ADARB2: variants seen among roughly 807,000 people sequenced by gnomAD.
ADARB2 encodes the protein adenosine deaminase RNA specific B2 (inactive).
A neutral mutation model predicts 62.2 loss-of-function variants in ADARB2; 25 were observed. That is an observed-to-expected ratio of 0.40 (90% confidence interval 0.29 to 0.56). The LOEUF is 0.56. ADARB2 is among the 20% of genes least tolerant of loss of function. The pLI is 0.43. For missense variants in ADARB2, 1,071 were observed against 1,077.4 expected (o/e 0.99, Z 0.08); for synonymous variants, 572 against 500.8 (o/e 1.14, Z -1.90).
At chr10:1,256,166 C>T (rs555444147) in intron 4 of ADARB2, among the ~76,000 whole-genome samples, 1 of 152,290 alleles carries the variant, frequency 6.6e-6, no homozygotes, top group Non-Finnish European at 1.5e-5. Flanking sequence ...GATGCCTGCA[C>T]CAGTGTTGGT....
At chr10:1,441,128 A>G (rs1188929557) in intron 1 of ADARB2, among the ~76,000 whole-genome samples, 1 of 152,236 alleles carries the variant, frequency 6.6e-6, no homozygotes, top group African/African-American at 2.4e-5. Flanking sequence ...GTAGACGACT[A>G]GTTTCACTTG....
chr10:1,504,406 T>A lies in ADARB2; in HGVS notation c.101-125246A>T, dbSNP rs1469734232. Among the ~76,000 whole-genome samples the A allele has an allele frequency of 3.3e-5, 5 of 152,372 alleles. No homozygotes were observed. The South Asian group carries it at 6.2e-4, about 19-fold the overall frequency. ...CCTCTTTAATGGGAAATAATGCATCTGGCGCTGGACATTCTGAGTGTGTCT... is the reference window on the plus strand; with the variant it reads ...CCTCTTTAATGGGAAATAATGCATCAGGCGCTGGACATTCTGAGTGTGTCT... On this transcript the variant is annotated intron_variant, in intron 1 of 9. Coordinates refer to ENST00000381312, the MANE Select transcript of ADARB2 (RefSeq NM_018702.4).
intron 1 of ADARB2, among the ~76,000 whole-genome samples, chr10:1,506,918 G>T (rs1170293047): frequency 2.0e-5 from 3 of 152,254 alleles, no homozygotes; most frequent in Admixed American, 6.5e-5. Context: ...GTGTGAGGAC[G>T]CAGTGAGCAG....
At chr10:1,563,764 G>C (rs567327244) in intron 1 of ADARB2, among the ~76,000 whole-genome samples, 2 of 141,436 alleles carry the variant, frequency 1.4e-5, no homozygotes, top group African/African-American at 5.3e-5. Context: ...ATATCTCCCA[G>C]TGCTATCCCT....
At position 1,330,479 on chromosome 10, in the gene ADARB2, C is replaced by T. The variant is rs114762194; in HGVS notation, c.1077+32549G>A. Among the ~76,000 whole-genome samples, 335 of 152,278 alleles carry T rather than the reference C, an allele frequency of 2.2e-3. 1 individual carries two copies. Among genetic ancestry groups the T allele is most frequent in the African/African-American group, 7.8e-3 (326 of 41,554 alleles). On this transcript the variant is annotated intron_variant, in intron 3 of 9. Coordinates refer to ENST00000381312, the MANE Select transcript of ADARB2 (RefSeq NM_018702.4). The stretch of plus-strand genomic sequence containing the variant: ...AGGAATAAAGATGAATTTCCTCAAC[C>T]TGATAAACAGCATCTACAAAACTCC...
intron 1 of ADARB2, among the ~76,000 whole-genome samples, chr10:1,606,222 T>C (rs1285666159): frequency 6.6e-6 from 1 of 152,176 alleles, no homozygotes; most frequent in East Asian, 1.9e-4. Flanking sequence ...GCCTACAGTC[T>C]TCACCCTATG....
chr10:1,328,898 G>A (rs1343768037), intron 3 of ADARB2, among the ~76,000 whole-genome samples: 1 of 151,000 alleles, frequency 6.6e-6, no homozygotes, highest in African/African-American at 2.4e-5. Flanking sequence ...AGGCTGAGGT[G>A]GGAGAATCAC....
At chr10:1,566,375 A>G (rs1260405829) in intron 1 of ADARB2, among the ~76,000 whole-genome samples, 2 of 152,190 alleles carry the variant, frequency 1.3e-5, no homozygotes, top group Non-Finnish European at 2.9e-5. Context: ...GAACGGTACT[A>G]AGAAATTGTT....
At chr10:1,510,169 T>TTTC (rs1554767635) in intron 1 of ADARB2, among the ~76,000 whole-genome samples, 1 of 88,632 alleles carries the variant, frequency 1.1e-5, no homozygotes, top group Non-Finnish European at 2.5e-5. Flanking sequence ...TCTTTCTTTC[T>TTTC]TTTTCTTTCT....
chr10:1,637,949 T>C (rs191980555), intron 1 of ADARB2, among the ~76,000 whole-genome samples: 1 of 152,330 alleles, frequency 6.6e-6, no homozygotes. Context: ...CCAATATTTT[T>C]ATGTGAGAAT....
chr10:1,620,244 G>A (rs993581470), intron 1 of ADARB2, among the ~76,000 whole-genome samples: 5 of 151,992 alleles, frequency 3.3e-5, no homozygotes, highest in African/African-American at 4.8e-5. Context: ...TAGATTGACC[G>A]ACCAGTAATA....
At chr10:1,275,547 T>G (rs1323291356) in intron 3 of ADARB2, among the ~76,000 whole-genome samples, 1 of 152,114 alleles carries the variant, frequency 6.6e-6, no homozygotes, top group African/African-American at 2.4e-5. Context: ...AGGGTACATG[T>G]GCACAATGTG....
At chr10:1,665,286 G>A (rs569822832) in intron 1 of ADARB2, among the ~76,000 whole-genome samples, 111 of 152,298 alleles carry the variant, frequency 7.3e-4, no homozygotes, top group African/African-American at 2.2e-3. Flanking sequence ...AAGCTTCACC[G>A]CCGTTTCCAG....
intron 1 of ADARB2, 88 bp downstream of exon 1, chr10:1,736,963 C>T: frequency 2.9e-6 from 4 of 1,376,588 alleles, no homozygotes; most frequent in Non-Finnish European, 4.0e-6. Flanking sequence ...CTGCTCACAA[C>T]GGACAAGCCC....
chr10:1,539,315 T>C (rs1832379635), intron 1 of ADARB2, among the ~76,000 whole-genome samples: 1 of 152,242 alleles, frequency 6.6e-6, no homozygotes, highest in Admixed American at 6.5e-5. Context: ...GGAGTCCTTC[T>C]CTGCCTAAGC....
chr10:1,614,528 C>T (rs2132022760), intron 1 of ADARB2, among the ~76,000 whole-genome samples: 1 of 152,304 alleles, frequency 6.6e-6, no homozygotes, highest in Non-Finnish European at 1.5e-5. Context: ...TGATGAGTTC[C>T]CATCCCATAC....
chr10:1,493,468 T>C (rs560480516), intron 1 of ADARB2, among the ~76,000 whole-genome samples: 10 of 152,282 alleles, frequency 6.6e-5, no homozygotes, highest in South Asian at 2.1e-4. Flanking sequence ...TAGTGGCAAA[T>C]TGGTCTGTTT....
intron 1 of ADARB2, among the ~76,000 whole-genome samples, chr10:1,536,741 G>GCAA (rs1832337852): frequency 6.6e-6 from 1 of 152,144 alleles, no homozygotes; most frequent in Admixed American, 6.5e-5. Flanking sequence ...AAATGGTGCT[G>GCAA]GGAAAACTGG....
At chr10:1,715,744 C>T (rs1243092057) in intron 1 of ADARB2, among the ~76,000 whole-genome samples, 2 of 152,234 alleles carry the variant, frequency 1.3e-5, no homozygotes, top group African/African-American at 4.8e-5. Context: ...ACTCCTGGAG[C>T]GACCAGCTGG....
Sources: gnomAD v4.1 joint callset for allele counts (sites outside exome capture counted in the v4.1 genomes callset) on GRCh38, gnomAD v4.1.1 for gene constraint, MANE v1.5 for transcripts, NCBI Gene and HGNC (gene_info 2026-07-23, HGNC 2026-07-21) for gene names.